Variants in ANKS1B observed in about 807,000 individuals in gnomAD.
ANKS1B encodes ankyrin repeat and sterile alpha motif domain-containing protein 1B.
ANKS1B carries 36 observed loss-of-function variants against 148.3 expected under a neutral mutation model. That is an observed-to-expected ratio of 0.24 (90% CI 0.19 to 0.32). ANKS1B has a LOEUF of 0.32. Among genes scored for constraint, ANKS1B ranks in the 10% least tolerant of loss-of-function variants. The pLI is 1.00. For synonymous variants in ANKS1B, 542 were observed against 560.8 expected (o/e 0.97, Z 0.47); for missense variants, 1,157 against 1,542.6 (o/e 0.75, Z 4.19).
chr12:99,145,285 A>T (rs1008301338), intron 15 of ANKS1B, among the ~76,000 whole-genome samples: 2 of 152,096 alleles, frequency 1.3e-5, no homozygotes, highest in African/African-American at 2.4e-5. Context: ...AACAGTGTTT[A>T]TATGAGGCAG....
intron 17 of ANKS1B, among the ~76,000 whole-genome samples, chr12:98,885,876 T>C (rs2099738745): frequency 6.6e-6 from 1 of 152,112 alleles, no homozygotes; most frequent in African/African-American, 2.4e-5. Context: ...GGAAGCAAAC[T>C]GGTCTCCAAG....
intron 2 of ANKS1B, among the ~76,000 whole-genome samples, chr12:99,821,714 C>T (rs1251486251): frequency 6.6e-6 from 1 of 151,884 alleles, no homozygotes; most frequent in East Asian, 1.9e-4. Flanking sequence ...GATATCCTGC[C>T]CATTAGATGT....
chr12:99,968,159 C>G (rs1388702547), intron 1 of ANKS1B, among the ~76,000 whole-genome samples: 1 of 152,104 alleles, frequency 6.6e-6, no homozygotes, highest in Non-Finnish European at 1.5e-5. Flanking sequence ...CCCCAGTTTT[C>G]CTACACAGCC....
chr12:98,843,088 G>A (rs2099416915), intron 17 of ANKS1B, among the ~76,000 whole-genome samples: 1 of 152,184 alleles, frequency 6.6e-6, no homozygotes, highest in Non-Finnish European at 1.5e-5. Context: ...CAGAGAATAA[G>A]GTTGCATTCT....
intron 11 of ANKS1B, among the ~76,000 whole-genome samples, chr12:99,411,919 T>A (rs1349882952): frequency 6.6e-6 from 1 of 152,210 alleles, no homozygotes; most frequent in East Asian, 1.9e-4. Context: ...ATTAATTTGC[T>A]AGGAAATACT....
chr12:99,345,450 G>A (rs1160218438), intron 12 of ANKS1B, among the ~76,000 whole-genome samples: 1 of 151,940 alleles, frequency 6.6e-6, no homozygotes, highest in African/African-American at 2.4e-5. Flanking sequence ...TAGTTTATGA[G>A]GTAGTGGTTT....
chr12:99,174,124 T>C (rs2078104575), intron 14 of ANKS1B, among the ~76,000 whole-genome samples: 1 of 152,220 alleles, frequency 6.6e-6, no homozygotes, highest in Non-Finnish European at 1.5e-5. Context: ...TGAAGCAAGA[T>C]TCTATGTTGA....
intron 3 of ANKS1B, among the ~76,000 whole-genome samples, chr12:99,810,578 C>A (rs961130148): frequency 1.3e-5 from 2 of 151,786 alleles, no homozygotes; most frequent in Non-Finnish European, 2.9e-5. Flanking sequence ...CAACTTCTTG[C>A]CAATAGAAAC....
At chr12:99,756,048 C>A (rs2061537819) in intron 8 of ANKS1B, among the ~76,000 whole-genome samples, 2 of 152,074 alleles carry the variant, frequency 1.3e-5, no homozygotes. Context: ...CAAGGAAGCC[C>A]TCTCTCACCA....
chr12:98,777,547 C>T (rs754741482), intron 24 of ANKS1B, among the ~76,000 whole-genome samples: 10 of 152,188 alleles, frequency 6.6e-5, no homozygotes, highest in Non-Finnish European at 1.2e-4. Context: ...CAGTTGCAGT[C>T]CCCCAGGCCG....
At chr12:98,835,499 A>G (rs1190647429) in intron 17 of ANKS1B, among the ~76,000 whole-genome samples, 1 of 152,240 alleles carries the variant, frequency 6.6e-6, no homozygotes, top group Non-Finnish European at 1.5e-5. Flanking sequence ...GGATGAAGAG[A>G]TGTGGCTAAC....
intron 14 of ANKS1B, among the ~76,000 whole-genome samples, chr12:99,239,756 C>G (rs1045752371): frequency 6.6e-6 from 1 of 152,062 alleles, no homozygotes; most frequent in Non-Finnish European, 1.5e-5. Context: ...GAGTGGGGGC[C>G]GATATTCAAC....
intron 9 of ANKS1B, among the ~76,000 whole-genome samples, chr12:99,555,634 G>A (rs1172666331): frequency 6.6e-6 from 1 of 152,098 alleles, no homozygotes; most frequent in African/African-American, 2.4e-5. Flanking sequence ...ATTGTTGAGG[G>A]TTTTTAACAT....
intron 20 of ANKS1B, among the ~76,000 whole-genome samples, chr12:98,802,594 C>CTTTTTTTTTTTTT (rs397850118): frequency 2.9e-5 from 1 of 34,790 alleles, no homozygotes; most frequent in Non-Finnish European, 5.1e-5. Flanking sequence ...AATGCACAGG[C>CTTTTTTTTTTTTT]TTTTTTTTTT....
At chr12:99,934,180 T>C (rs565601969) in intron 1 of ANKS1B, among the ~76,000 whole-genome samples, 1 of 152,256 alleles carries the variant, frequency 6.6e-6, no homozygotes, top group South Asian at 2.1e-4. Context: ...TGCTAGTGTT[T>C]TGTTGAGGAT....
intron 14 of ANKS1B, among the ~76,000 whole-genome samples, chr12:99,196,222 A>C (rs1407635541): frequency 6.6e-6 from 1 of 152,190 alleles, no homozygotes. Flanking sequence ...AATATTATTC[A>C]AAGTACCTAC....
intron 17 of ANKS1B, among the ~76,000 whole-genome samples, chr12:98,909,191 T>C (rs1436054237): frequency 6.6e-6 from 1 of 152,190 alleles, no homozygotes; most frequent in Non-Finnish European, 1.5e-5. Flanking sequence ...TTATATTGTA[T>C]ATATATGTAT....
intron 13 of ANKS1B, 108 bp downstream of exon 13, chr12:99,246,166 CT>C (rs35408837): frequency 0.23 from 166,912 of 715,218 alleles, 17,815 homozygotes; most frequent in Middle Eastern, 0.31. Flanking sequence ...GAGCCGTATG[CT>C]TTTTTTTTTC....
At chr12:99,090,429 C>G (rs189994471) in intron 15 of ANKS1B, among the ~76,000 whole-genome samples, 13 of 152,194 alleles carry the variant, frequency 8.5e-5, no homozygotes, top group Non-Finnish European at 1.3e-4. Context: ...CTTCCTTCAT[C>G]CAGTCCAAGA....
Sources: gnomAD v4.1 joint callset for allele counts (sites outside exome capture counted in the v4.1 genomes callset) on GRCh38, gnomAD v4.1.1 for gene constraint, MANE v1.5 for transcripts, NCBI Gene and HGNC (gene_info 2026-07-23, HGNC 2026-07-21) for gene names.